The following DLG2 variants were observed in gnomAD, a reference collection of about 807,000 sequenced individuals.
DLG2 encodes discs large MAGUK scaffold protein 2, also known as disks large homolog 2.
Under a neutral mutation model 132.5 loss-of-function variants are expected in DLG2, and 45 were observed. The ratio of observed to expected loss-of-function variants is 0.34; its 90% confidence interval spans 0.27 to 0.44. The LOEUF is 0.44. Among genes scored for constraint, DLG2 ranks in the 20% least tolerant of loss-of-function variants. The pLI is 1.00. For synonymous variants in DLG2, 424 were observed against 419.6 expected, an observed-to-expected ratio of 1.01 and a Z score of -0.13; for missense variants, 1,045 against 1,196.9, an observed-to-expected ratio of 0.87 and a Z score of 1.87.
chr11:84,627,775 A>C (rs1327624263), intron 6 of DLG2, among the ~76,000 whole-genome samples: 2 of 152,184 alleles, frequency 1.3e-5, no homozygotes, highest in African/African-American at 4.8e-5. Flanking sequence ...TCATGGCAGA[A>C]TGTGAAACAG....
intron 18 of DLG2, among the ~76,000 whole-genome samples, chr11:83,637,265 TC>T (rs2153470735): frequency 6.6e-6 from 1 of 152,306 alleles, no homozygotes; most frequent in African/African-American, 2.4e-5. Flanking sequence ...TCTATGCCTG[TC>T]CCTTTGGAAC....
intron 8 of DLG2, among the ~76,000 whole-genome samples, chr11:84,227,537 A>C (rs1014775882): frequency 6.6e-6 from 1 of 152,222 alleles, no homozygotes; most frequent in African/African-American, 2.4e-5. Context: ...ATCTTATATT[A>C]AACTATAATC....
chr11:84,675,540 T>C (rs1037978581), intron 6 of DLG2, among the ~76,000 whole-genome samples: 5 of 152,108 alleles, frequency 3.3e-5, no homozygotes, highest in African/African-American at 1.2e-4. Flanking sequence ...CCCTAGTGGC[T>C]CCTGGGCTAT....
At chr11:84,286,177 C>T (rs964998498) in intron 7 of DLG2, among the ~76,000 whole-genome samples, 8 of 152,174 alleles carry the variant, frequency 5.3e-5, no homozygotes, top group East Asian at 1.9e-4. Flanking sequence ...TTCTTTATCA[C>T]GTGTTGTCCT....
chr11:85,170,423 T>C (rs558997186), intron 4 of DLG2, among the ~76,000 whole-genome samples: 3 of 152,272 alleles, frequency 2.0e-5, no homozygotes, highest in South Asian at 4.1e-4. Flanking sequence ...AATTCTAGTT[T>C]CTATGACTCA....
chr11:85,528,991 A>G (rs540049708), intron 3 of DLG2, among the ~76,000 whole-genome samples: 1 of 152,364 alleles, frequency 6.6e-6, no homozygotes. Context: ...GAAATACTAT[A>G]CAGCAATGAA....
chr11:83,968,383 A>G (rs757788381), intron 12 of DLG2, among the ~76,000 whole-genome samples: 18 of 152,184 alleles, frequency 1.2e-4, no homozygotes, highest in African/African-American at 2.9e-4. Flanking sequence ...CACCTCTCAC[A>G]TTTCTCTTCT....
chr11:85,009,716 T>C (rs2058990222), intron 6 of DLG2, among the ~76,000 whole-genome samples: 2 of 152,108 alleles, frequency 1.3e-5, no homozygotes, highest in Admixed American at 6.6e-5. Flanking sequence ...AAGAAGCTTA[T>C]TTTAAACGCA....
chr11:83,902,068 G>T (rs767862106), intron 15 of DLG2, among the ~76,000 whole-genome samples: 1 of 151,362 alleles, frequency 6.6e-6, no homozygotes, highest in East Asian at 1.9e-4. Context: ...CAAAGTAATC[G>T]TGCTAAACAC....
At chr11:83,809,547 C>A (rs1423969233) in intron 17 of DLG2, among the ~76,000 whole-genome samples, 1 of 152,120 alleles carries the variant, frequency 6.6e-6, no homozygotes, top group Non-Finnish European at 1.5e-5. Flanking sequence ...TTCTTAACAC[C>A]ATCATTATAA....
At chr11:84,008,611 C>A in intron 11 of DLG2, among the ~76,000 whole-genome samples, 1 of 151,544 alleles carries the variant, frequency 6.6e-6, no homozygotes, top group East Asian at 1.9e-4. Context: ...AAAATATCCA[C>A]AACAGGTATT....
At position 84,983,885 on chromosome 11, in the gene DLG2, C is replaced by T. The variant is rs533043065; in HGVS notation, c.357+127776G>A. On this transcript the variant is annotated intron_variant, in intron 6 of 27. Coordinates refer to ENST00000376104, the MANE Select transcript of DLG2 (RefSeq NM_001142699.3). The stretch of plus-strand genomic sequence containing the variant: ...AGTCTCAGCAACAGAATCGAAGAAG[C>T]AGAAGAAAGAACTTCAGAGCTCAAA... Among the ~76,000 whole-genome samples the T allele has an allele frequency of 1.3e-4, 20 of 151,950 alleles. No homozygotes were observed. In the South Asian group the frequency reaches 4.2e-3, roughly 32 times the overall value.
intron 19 of DLG2, among the ~76,000 whole-genome samples, chr11:83,576,550 C>T (rs1403078311): frequency 6.6e-6 from 1 of 151,964 alleles, no homozygotes; most frequent in East Asian, 1.9e-4. Flanking sequence ...ATGCTTCATG[C>T]AAAGAGAATA....
At chr11:83,868,775 T>G (rs1340860654) in intron 16 of DLG2, among the ~76,000 whole-genome samples, 1 of 152,116 alleles carries the variant, frequency 6.6e-6, no homozygotes, top group Non-Finnish European at 1.5e-5. Context: ...ATTCAGTATA[T>G]TTATCAGCAT....
intron 6 of DLG2, among the ~76,000 whole-genome samples, chr11:85,107,911 C>T (rs543188553): frequency 9.4e-6 from 1 of 106,150 alleles, no homozygotes; most frequent in East Asian, 3.2e-4. Flanking sequence ...ATAGTTACTA[C>T]TGAAAGGACA....
chr11:84,750,153 T>C (rs539520240), intron 6 of DLG2, among the ~76,000 whole-genome samples: 1 of 152,300 alleles, frequency 6.6e-6, no homozygotes, highest in Admixed American at 6.5e-5. Flanking sequence ...CTCTGTACTT[T>C]TTTTTTCCTT....
intron 7 of DLG2, among the ~76,000 whole-genome samples, chr11:84,502,056 CT>C (rs1013104178): frequency 1.1e-4 from 16 of 151,586 alleles, no homozygotes; most frequent in East Asian, 1.9e-4. Context: ...CTTTTCTTTT[CT>C]TTTTTTCTTT....
chr11:85,025,672 A>T (rs637930), intron 6 of DLG2, among the ~76,000 whole-genome samples: 22,040 of 152,190 alleles, frequency 0.14, 1,715 homozygotes, highest in South Asian at 0.27. Context: ...TCACTAGAAG[A>T]ATAACAGTCT....
intron 21 of DLG2, among the ~76,000 whole-genome samples, chr11:83,504,099 T>C (rs1380835523): frequency 1.3e-5 from 2 of 152,178 alleles, no homozygotes; most frequent in Non-Finnish European, 2.9e-5. Flanking sequence ...ATTTTCTTAG[T>C]ACAGGTTACA....
Sources: allele counts gnomAD v4.1 joint callset (sites outside exome capture counted in the v4.1 genomes callset), GRCh38; gene constraint gnomAD v4.1.1; transcripts MANE v1.5; gene names NCBI Gene and HGNC (gene_info 2026-07-23, HGNC 2026-07-21).